Variants in MRPS31 observed in about 807,000 individuals in gnomAD.
The protein encoded by MRPS31 is mitochondrial ribosomal protein S31, also known as small ribosomal subunit protein mS31.
A neutral mutation model predicts 43.1 loss-of-function variants in MRPS31; 32 were observed. The ratio of observed to expected loss-of-function variants is 0.74; its 90% CI spans 0.56 to 1.00. The LOEUF is 1.00. Among genes scored for constraint, MRPS31 ranks in the 50% least tolerant of loss-of-function variants. The pLI, the probability that MRPS31 is intolerant of heterozygous loss-of-function variation, is 0.00. For missense variants in MRPS31, 437 were observed against 466.7 expected (o/e 0.94, Z 0.59); for synonymous variants, 165 against 161.6 (o/e 1.02, Z -0.16).
At chr13:40,742,808 T>TA (rs375334785) in intron 6 of MRPS31, among the ~76,000 whole-genome samples, 2 of 152,278 alleles carry the variant, frequency 1.3e-5, no homozygotes, top group East Asian at 3.9e-4. Context: ...AATTGAGAAT[T>TA]ACTCTAGGAA....
chr13:40,734,028 C>T (rs1879794665), intron 6 of MRPS31, among the ~76,000 whole-genome samples: 1 of 149,714 alleles, frequency 6.7e-6, no homozygotes, highest in South Asian at 2.1e-4. Context: ...ATTAGGGAGG[C>T]TGAGGCAGGA....
At chr13:40,756,157 A>G (rs1880521337) in intron 4 of MRPS31, among the ~76,000 whole-genome samples, 1 of 152,230 alleles carries the variant, frequency 6.6e-6, no homozygotes, top group African/African-American at 2.4e-5. Flanking sequence ...AATGCATTGA[A>G]AACACTCCAG....
intron 1 of MRPS31, among the ~76,000 whole-genome samples, chr13:40,768,434 T>C (rs1157995755): frequency 1.4e-5 from 2 of 141,862 alleles, no homozygotes; most frequent in African/African-American, 2.7e-5. Context: ...TTAATATGCA[T>C]AAAAATTTTT....
chr13:40,760,989 A>G (rs945475606), intron 2 of MRPS31, among the ~76,000 whole-genome samples: 11 of 152,268 alleles, frequency 7.2e-5, no homozygotes, highest in African/African-American at 2.6e-4. Flanking sequence ...AGAATTAAAC[A>G]AGGGGTCGGG....
At position 40,766,997 on chromosome 13, in the gene MRPS31, G is replaced by T; in HGVS notation, c.189C>A (p.Asn63Lys). The T allele has an allele frequency of 1.2e-6, 2 of 1,608,560 alleles. No homozygotes were observed. The highest frequency in any genetic ancestry group is 1.1e-5 in the South Asian group (1 of 89,040). ...TATCTTTCTTGCTACAGATCACACT[G>T]TTAGTGCCAAAATATCTTTGGATGT... ...KNNIQRYFGT[N>K]SVICSKKDKQ... is the part of the protein sequence containing the mutation. The change falls in exon 2 of 7, where the codon AAC becomes AAA. Residue 63 changes from asparagine (N) to lysine (K), a missense_variant. By Grantham distance (94) the Asn-to-Lys change is moderately conservative. Coordinates refer to ENST00000323563, the MANE Select transcript of MRPS31 (RefSeq NM_005830.4).
intron 4 of MRPS31, among the ~76,000 whole-genome samples, chr13:40,756,525 G>T (rs1880531120): frequency 6.6e-6 from 1 of 152,170 alleles, no homozygotes; most frequent in Admixed American, 6.5e-5. Flanking sequence ...CACAGTATTA[G>T]ACACTTATTT....
intron 6 of MRPS31, among the ~76,000 whole-genome samples, chr13:40,732,384 G>A (rs775358920): frequency 2.0e-4 from 31 of 152,184 alleles, no homozygotes; most frequent in Admixed American, 5.2e-4. Context: ...ACCTTGGCAG[G>A]AACTGATACC....
intron 5 of MRPS31, 81 bp from the exon 6 acceptor site, chr13:40,749,362 C>A: frequency 8.6e-7 from 1 of 1,168,348 alleles, no homozygotes; most frequent in Non-Finnish European, 1.1e-6. Flanking sequence ...CCTGAATTGA[C>A]CATGTATTTT....
chr13:40,739,494 CA>C (rs1880018505), intron 6 of MRPS31, among the ~76,000 whole-genome samples: 4 of 152,154 alleles, frequency 2.6e-5, no homozygotes, highest in African/African-American at 9.6e-5. Context: ...AATTCTAAGC[CA>C]AAAGAACAAA....
At chr13:40,759,156 G>A (rs779044943) in intron 2 of MRPS31, 50 bp from the exon 3 acceptor site, 35 of 1,436,700 alleles carry the variant, frequency 2.4e-5, no homozygotes, top group Non-Finnish European at 3.0e-5. Context: ...AAGAGAGATT[G>A]GCCAGGTGCG....
At chr13:40,739,559 CA>C (rs1379496135) in intron 6 of MRPS31, among the ~76,000 whole-genome samples, 1 of 152,098 alleles carries the variant, frequency 6.6e-6, no homozygotes, top group East Asian at 1.9e-4. Context: ...CTACAGTAAC[CA>C]AAACAGCATG....
At chr13:40,764,446 C>A (rs184042421) in intron 2 of MRPS31, among the ~76,000 whole-genome samples, 1 of 152,162 alleles carries the variant, frequency 6.6e-6, no homozygotes, top group East Asian at 1.9e-4. Flanking sequence ...TATATTGCTC[C>A]ATTCCTATCA....
intron 1 of MRPS31, among the ~76,000 whole-genome samples, chr13:40,767,298 T>C (rs576882191): frequency 3.3e-5 from 5 of 152,182 alleles, no homozygotes; most frequent in South Asian, 4.1e-4. Context: ...GCTAGGATTG[T>C]AGGCATGTGC....
chr13:40,751,378 A>G (rs1880386418), intron 5 of MRPS31, among the ~76,000 whole-genome samples: 1 of 152,198 alleles, frequency 6.6e-6, no homozygotes, highest in Admixed American at 6.5e-5. Context: ...CACTTTTCTC[A>G]TATTACCTCA....
intron 6 of MRPS31, among the ~76,000 whole-genome samples, chr13:40,738,374 T>C (rs1879985218): frequency 1.3e-5 from 2 of 152,094 alleles, no homozygotes; most frequent in Non-Finnish European, 2.9e-5. Flanking sequence ...GAGGAACTGG[T>C]ACCATTCCTT....
At chr13:40,763,125 G>C (rs966283918) in intron 2 of MRPS31, among the ~76,000 whole-genome samples, 1 of 152,168 alleles carries the variant, frequency 6.6e-6, no homozygotes, top group African/African-American at 2.4e-5. Context: ...TAGAAATTTT[G>C]GTTACTGCTG....
At chr13:40,734,459 C>T (rs1389485560) in intron 6 of MRPS31, among the ~76,000 whole-genome samples, 4 of 152,008 alleles carry the variant, frequency 2.6e-5, no homozygotes, top group Non-Finnish European at 5.9e-5. Flanking sequence ...TATTTTTGTG[C>T]ATGTGAATTT....
intron 6 of MRPS31, among the ~76,000 whole-genome samples, chr13:40,742,242 T>C (rs1880120237): frequency 1.3e-5 from 2 of 152,306 alleles, no homozygotes; most frequent in South Asian, 4.1e-4. Flanking sequence ...AAATCCTATA[T>C]GATGCACAAT....
chr13:40,738,269 CAGGA>C (rs1879981745), intron 6 of MRPS31, among the ~76,000 whole-genome samples: 1 of 151,898 alleles, frequency 6.6e-6, no homozygotes, highest in Non-Finnish European at 1.5e-5. Flanking sequence ...AGACCAATAA[CAGGA>C]TCTGAAATTG....
Sources: allele counts gnomAD v4.1 joint callset (sites outside exome capture counted in the v4.1 genomes callset), GRCh38; gene constraint gnomAD v4.1.1; transcripts MANE v1.5; gene names NCBI Gene and HGNC (gene_info 2026-07-23, HGNC 2026-07-21).